Variants in ST6GALNAC5 observed in about 807,000 individuals in gnomAD.
ST6GALNAC5 encodes the protein alpha-N-acetylgalactosaminide alpha-2,6-sialyltransferase 5.
A neutral mutation model predicts 33.6 loss-of-function variants in ST6GALNAC5; 27 were observed. That is an observed-to-expected ratio of 0.80 (90% CI 0.59 to 1.11). ST6GALNAC5 has a LOEUF of 1.11. ST6GALNAC5 is among the 50% of genes least tolerant of loss of function. ST6GALNAC5 has a pLI of 0.00. For missense variants in ST6GALNAC5, 428 were observed against 454.0 expected (o/e 0.94, Z 0.52); for synonymous variants, 194 against 171.2 (o/e 1.13, Z -1.04).
At chr1:76,998,556 A>G (rs1286789026) in intron 2 of ST6GALNAC5, among the ~76,000 whole-genome samples, 1 of 152,228 alleles carries the variant, frequency 6.6e-6, no homozygotes, top group African/African-American at 2.4e-5. Flanking sequence ...ATGGTCACTG[A>G]GAAGCAGAAT....
chr1:76,897,530 G>T (rs1192326060), intron 2 of ST6GALNAC5, among the ~76,000 whole-genome samples: 2 of 152,108 alleles, frequency 1.3e-5, no homozygotes, highest in Non-Finnish European at 2.9e-5. Flanking sequence ...ATTAATCGGG[G>T]TAAAGGTGGT....
At chr1:76,934,638 T>G (rs1219761596) in intron 2 of ST6GALNAC5, among the ~76,000 whole-genome samples, 2 of 152,006 alleles carry the variant, frequency 1.3e-5, no homozygotes, top group Non-Finnish European at 2.9e-5. Context: ...CTGCTTCATA[T>G]CCAGGTAATT....
intron 2 of ST6GALNAC5, among the ~76,000 whole-genome samples, chr1:77,043,075 T>C (rs768836516): frequency 6.6e-6 from 1 of 152,202 alleles, no homozygotes; most frequent in Non-Finnish European, 1.5e-5. Flanking sequence ...ACTACTAAGT[T>C]GGATTCAATT....
intron 2 of ST6GALNAC5, among the ~76,000 whole-genome samples, chr1:76,927,910 T>C (rs181360487): frequency 1.2e-4 from 19 of 152,286 alleles, no homozygotes; most frequent in African/African-American, 4.1e-4. Context: ...TATTCTGATA[T>C]AATTGTGCAT....
intron 2 of ST6GALNAC5, among the ~76,000 whole-genome samples, chr1:76,938,144 T>G (rs1647237244): frequency 6.6e-6 from 1 of 152,018 alleles, no homozygotes; most frequent in Admixed American, 6.6e-5. Flanking sequence ...GAGAGGTCCA[T>G]TGAGATTATG....
chr1:76,990,846 G>A (rs953435266), intron 2 of ST6GALNAC5, among the ~76,000 whole-genome samples: 1 of 152,142 alleles, frequency 6.6e-6, no homozygotes, highest in African/African-American at 2.4e-5. Context: ...GTAGCCAAGG[G>A]ATAGTGCAGT....
intron 2 of ST6GALNAC5, among the ~76,000 whole-genome samples, chr1:76,937,218 T>C (rs1377711812): frequency 2.6e-5 from 4 of 151,910 alleles, no homozygotes; most frequent in African/African-American, 9.7e-5. Flanking sequence ...ACCCTGCAAG[T>C]GGTTTTTATT....
intron 2 of ST6GALNAC5, among the ~76,000 whole-genome samples, chr1:76,990,425 T>C (rs1649679123): frequency 6.6e-6 from 1 of 152,138 alleles, no homozygotes; most frequent in Non-Finnish European, 1.5e-5. Flanking sequence ...ACACATGAGG[T>C]CTTATCCCCC....
intron 2 of ST6GALNAC5, among the ~76,000 whole-genome samples, chr1:76,883,269 T>C (rs370049781): frequency 5.9e-5 from 9 of 152,232 alleles, no homozygotes; most frequent in Non-Finnish European, 8.8e-5. Flanking sequence ...AATATTGCAA[T>C]CATTTTTCCA....
intron 2 of ST6GALNAC5, among the ~76,000 whole-genome samples, chr1:76,947,531 G>A (rs546719900): frequency 6.6e-6 from 1 of 152,158 alleles, no homozygotes; most frequent in East Asian, 1.9e-4. Context: ...GAGCTCAGAA[G>A]TTTGAGACCA....
At chr1:77,003,621 G>A (rs1218151231) in intron 2 of ST6GALNAC5, among the ~76,000 whole-genome samples, 87 of 151,972 alleles carry the variant, frequency 5.7e-4, no homozygotes, top group East Asian at 4.7e-3. Context: ...ATTTTGCAGC[G>A]GCTGGTACTG....
intron 2 of ST6GALNAC5, among the ~76,000 whole-genome samples, chr1:76,909,740 T>C (rs936709627): frequency 9.2e-5 from 14 of 152,066 alleles, no homozygotes; most frequent in Admixed American, 7.9e-4. Flanking sequence ...ATAATTTGTC[T>C]TATGAATATT....
intron 2 of ST6GALNAC5, among the ~76,000 whole-genome samples, chr1:76,964,361 T>C (rs932102895): frequency 2.6e-5 from 4 of 152,148 alleles, no homozygotes; most frequent in Non-Finnish European, 5.9e-5. Context: ...AGGTCAGTGA[T>C]ATTTCGTGGC....
At chr1:77,030,424 T>C (rs1054045643) in intron 2 of ST6GALNAC5, among the ~76,000 whole-genome samples, 12 of 152,196 alleles carry the variant, frequency 7.9e-5, no homozygotes, top group Non-Finnish European at 1.5e-4. Context: ...TTAACTGAGA[T>C]GCTAGTAATA....
chr1:77,067,540 C>T lies in ST6GALNAC5; in HGVS notation c.*4334C>T, dbSNP rs750134869. Among the ~76,000 whole-genome samples the T allele has an allele frequency of 1.6e-4, 24 of 152,312 alleles. No homozygotes were observed. The highest frequency in any genetic ancestry group is 4.6e-4 in the Admixed American group (7 of 15,288). The stretch of plus-strand genomic sequence containing the variant: ...ATAAATGTCTGTTGTTGATCATGAC[C>T]TCTTAATGTTGACCCACTGGATTAG... On this transcript the variant is annotated 3_prime_UTR_variant, in exon 5 of 5. Transcript: ENST00000477717.
At chr1:77,035,038 G>A (rs566723306) in intron 2 of ST6GALNAC5, among the ~76,000 whole-genome samples, 1 of 152,294 alleles carries the variant, frequency 6.6e-6, no homozygotes, top group East Asian at 1.9e-4. Flanking sequence ...TTAACCTTGA[G>A]GATGAATCAG....
At chr1:76,980,616 G>A (rs1649210185) in intron 2 of ST6GALNAC5, among the ~76,000 whole-genome samples, 2 of 152,122 alleles carry the variant, frequency 1.3e-5, no homozygotes, top group South Asian at 4.1e-4. Flanking sequence ...CTCTTTAAAT[G>A]GGGGAAAGAA....
chr1:76,944,739 G>C (rs543244442), intron 2 of ST6GALNAC5, among the ~76,000 whole-genome samples: 3 of 152,244 alleles, frequency 2.0e-5, no homozygotes, highest in African/African-American at 7.2e-5. Context: ...CGTGAGATAA[G>C]AGTTTCTGAT....
intron 4 of ST6GALNAC5, 62 bp downstream of exon 4, chr1:77,050,427 A>T: frequency 6.8e-7 from 1 of 1,460,780 alleles, no homozygotes; most frequent in South Asian, 1.2e-5. Context: ...TAAATATCTG[A>T]TTCTGAATAT....
Sources: gnomAD v4.1 joint callset for allele counts (sites outside exome capture counted in the v4.1 genomes callset) on GRCh38, gnomAD v4.1.1 for gene constraint, MANE v1.5 for transcripts, NCBI Gene and HGNC (gene_info 2026-07-23, HGNC 2026-07-21) for gene names.